The following GANC variants were observed in gnomAD, a reference collection of about 807,000 sequenced individuals.
GANC encodes glucosidase alpha, neutral C, also known as neutral alpha-glucosidase C.
Under a neutral mutation model 124.2 loss-of-function variants are expected in GANC, and 117 were observed. That is an observed-to-expected ratio of 0.94 (90% CI 0.81 to 1.10). The LOEUF (loss-of-function observed/expected upper bound fraction) is 1.10, where lower values mean the gene tolerates loss of function less well. Among genes scored for constraint, GANC ranks in the 50% least tolerant of loss-of-function variants. GANC has a pLI of 0.00. For synonymous variants in GANC, 377 were observed against 376.8 expected (o/e 1.00, Z -0.01); for missense variants, 1,140 against 1,095.0 (o/e 1.04, Z -0.58).
intron 3 of GANC, among the ~76,000 whole-genome samples, chr15:42,284,657 G>A (rs1219532250): frequency 6.6e-6 from 1 of 152,070 alleles, no homozygotes; most frequent in African/African-American, 2.4e-5. Context: ...AAGAGATGGG[G>A]TCTCACTGTG....
At chr15:42,319,406 G>T (rs535032499) in intron 10 of GANC, among the ~76,000 whole-genome samples, 1 of 152,106 alleles carries the variant, frequency 6.6e-6, no homozygotes, top group South Asian at 2.1e-4. Flanking sequence ...GTGCAGTGGC[G>T]TGACCATGGC....
At chr15:42,276,229 A>G (rs2051669812) in intron 1 of GANC, 119 bp from the exon 2 acceptor site, 2 of 611,892 alleles carry the variant, frequency 3.3e-6, no homozygotes, top group Non-Finnish European at 6.0e-6. Context: ...ACAATTTTGC[A>G]TTGCAGAATA....
Position 42,339,923 on chromosome 15 carries a change from T to C in GANC, c.2087+11T>C. The C allele has an allele frequency of 6.2e-7, 1 of 1,608,338 alleles. No individual in the cohort carries two copies. The highest frequency in any genetic ancestry group is 8.5e-7 in the Non-Finnish European group (1 of 1,176,094). On this transcript the variant is annotated intron_variant, in intron 17 of 23. Coordinates refer to ENST00000318010, the MANE Select transcript of GANC (RefSeq NM_198141.3). ...CCAACCTGTCATGAGGTAAAAAAGC[T>C]TCATCCATTCAGGGACCCCAGCAAC...
Position 42,297,943 on chromosome 15 carries a change from T to C in GANC, c.558+287T>C, listed in dbSNP as rs2051907521. Among the ~76,000 whole-genome samples the C allele has an allele frequency of 3.3e-5, 5 of 152,168 alleles. No individual in the cohort carries two copies. In the South Asian group the frequency reaches 1.0e-3, roughly 32 times the overall value. ...GAGAATCAGCCTTGAATAAAACAAATCCCAAACATGTTCTCATGGAAATTA... is the reference window on the plus strand; with the variant it reads ...GAGAATCAGCCTTGAATAAAACAAACCCCAAACATGTTCTCATGGAAATTA... On this transcript the variant is annotated intron_variant, in intron 6 of 23. Transcript: ENST00000318010.
chr15:42,333,229 G>A (rs2052260328), intron 15 of GANC, among the ~76,000 whole-genome samples: 2 of 151,800 alleles, frequency 1.3e-5, no homozygotes. Flanking sequence ...TCAGGAGGCT[G>A]AGGCAGGAGA....
intron 3 of GANC, 64 bp downstream of exon 3, chr15:42,278,654 T>A: frequency 8.5e-7 from 1 of 1,180,630 alleles, no homozygotes; most frequent in Non-Finnish European, 1.2e-6. Flanking sequence ...CTGAATGAAG[T>A]AAATTAAAGC....
chr15:42,305,201 A>C (rs995625652), intron 6 of GANC, among the ~76,000 whole-genome samples: 4 of 152,194 alleles, frequency 2.6e-5, no homozygotes, highest in Non-Finnish European at 4.4e-5. Context: ...AAATTTTTGC[A>C]ATCTGTCCAT....
intron 18 of GANC, among the ~76,000 whole-genome samples, chr15:42,341,568 T>G (rs1256445766): frequency 9.0e-6 from 1 of 110,902 alleles, no homozygotes; most frequent in South Asian, 3.8e-4. Context: ...CTGAGTTCTA[T>G]TTTTTTTTTT....
rs563663159 is a variant in GANC, at chr15:42,332,196, T to C, written c.1741+1524T>C. On this transcript the variant is annotated intron_variant, in intron 15 of 23. Coordinates refer to ENST00000318010, the MANE Select transcript of GANC (RefSeq NM_198141.3). ...GATTAATGGAAGATAGTAATTTAAA[T>C]AAATAAGTGGGTAGATAGGCAGACA... Among the ~76,000 whole-genome samples, 6 of 152,278 alleles carry C rather than the reference T, an allele frequency of 3.9e-5. No homozygotes were observed. In the East Asian group the frequency reaches 1.2e-3, roughly 29 times the overall value.
At chr15:42,303,328 C>G (rs1452301664) in intron 6 of GANC, among the ~76,000 whole-genome samples, 1 of 152,140 alleles carries the variant, frequency 6.6e-6, no homozygotes, top group Non-Finnish European at 1.5e-5. Context: ...CACCACCAGG[C>G]CTGCCTTGCA....
chr15:42,273,437 C>G lies in GANC; in HGVS notation c.-1045C>G. 1.9e-6 allele frequency: 3 copies of G among 1,611,568 alleles called. No individual in the cohort carries two copies. Among genetic ancestry groups the G allele is most frequent in the East Asian group, 4.5e-5 (2 of 44,860 alleles). ...GAGTGCCTACCGAAAGCATTTCACC[C>G]TCTTCCGGTTCGTCCCGCCTTCTTC... On this transcript the variant is annotated 5_prime_UTR_variant, in exon 1 of 24. Coordinates refer to ENST00000318010, the MANE Select transcript of GANC (RefSeq NM_198141.3).
rs142591325 is a variant in GANC, at chr15:42,318,776, G to A, written c.1058-3009G>A. 2.9e-4 allele frequency among the ~76,000 whole-genome samples: 44 copies of A among 152,162 alleles called. 1 individual carries two copies. The highest frequency in any genetic ancestry group is 1.5e-4 in the Non-Finnish European group (10 of 67,994). On this transcript the variant is annotated intron_variant, in intron 10 of 23. Coordinates refer to ENST00000318010, the MANE Select transcript of GANC (RefSeq NM_198141.3). ...ACTAATTTTTTCATTTTTTATATAGGCAGGGTCTCCCTAGGTTACCCAGGC... is the reference window on the plus strand; with the variant it reads ...ACTAATTTTTTCATTTTTTATATAGACAGGGTCTCCCTAGGTTACCCAGGC...
At position 42,353,034 on chromosome 15, in the gene GANC, GA is replaced by G; in HGVS notation, c.*896del. 1 of 833,910 alleles carries G rather than the reference GA, an allele frequency of 1.2e-6. No homozygotes were observed. The highest frequency in any genetic ancestry group is 5.5e-5 in the South Asian group (1 of 18,040). The allele number at this position is 833,910 out of a possible 1,614,324, so 51.7% of individuals were successfully genotyped here. A position where few individuals can be genotyped will look rare whatever the true frequency, so the allele number is the denominator to read the frequency against. Reference sequence around the variant, plus strand: ...TCAGAATTAATGCAAAAAAAACCATGATGAACAAAATATTAAAATTTAAAAT... The same window carrying G: ...TCAGAATTAATGCAAAAAAAACCATGTGAACAAAATATTAAAATTTAAAAT... On this transcript the variant is annotated 3_prime_UTR_variant, in exon 24 of 24. Transcript: ENST00000318010.
intron 3 of GANC, chr15:42,283,839 T>C (rs1329793949): frequency 1.1e-5 from 8 of 702,620 alleles, no homozygotes; most frequent in Non-Finnish European, 1.8e-5. Context: ...ATTTGGGAAC[T>C]GGCCAGACAA....
At chr15:42,345,677 A>G in intron 19 of GANC, 81 bp from the exon 20 acceptor site, 2 of 742,872 alleles carry the variant, frequency 2.7e-6, no homozygotes, top group Non-Finnish European at 4.6e-6. Flanking sequence ...AAATCCAGGT[A>G]AGTGGATATT....
intron 16 of GANC, 42 bp from the exon 17 acceptor site, chr15:42,339,627 T>G: frequency 6.2e-7 from 1 of 1,600,050 alleles, no homozygotes; most frequent in South Asian, 1.1e-5. Flanking sequence ...GCATCATTTA[T>G]CCAAAGCTTG....
Position 42,304,931 on chromosome 15 carries a change from C to G in GANC, c.559-1615C>G, listed in dbSNP as rs139661610. Among the ~76,000 whole-genome samples, 1,231 of 152,282 alleles carry G rather than the reference C, an allele frequency of 8.1e-3. 9 individuals are homozygous for G. The highest frequency in any genetic ancestry group is 0.037 in the Middle Eastern group (11 of 294). On this transcript the variant is annotated intron_variant, in intron 6 of 23. Transcript: ENST00000318010. ...TGTGCAGAAAACTGAAACTGGACCC[C>G]TTCCTTACACCTTATACAAAAATTA...
rs369970145 is a variant in GANC, at chr15:42,285,591, T to C, written c.202-2100T>C. ...AGGAGGATCACTGGAGGTCAGGAGT[T>C]TGAGACCAGCCTGGTCAACATGGTG... On this transcript the variant is annotated intron_variant, in intron 3 of 23. Coordinates refer to ENST00000318010, the MANE Select transcript of GANC (RefSeq NM_198141.3). 5.9e-5 allele frequency among the ~76,000 whole-genome samples: 9 copies of C among 152,114 alleles called. No homozygotes were observed. In the South Asian group the frequency reaches 1.9e-3, roughly 32 times the overall value.
At chr15:42,301,414 A>G (rs1360190804) in intron 6 of GANC, among the ~76,000 whole-genome samples, 2 of 151,514 alleles carry the variant, frequency 1.3e-5, no homozygotes, top group Non-Finnish European at 1.5e-5. Context: ...GCTGCACAAA[A>G]CTGGGTGGCT....
Sources: gnomAD v4.1 joint callset for allele counts (sites outside exome capture counted in the v4.1 genomes callset) on GRCh38, gnomAD v4.1.1 for gene constraint, MANE v1.5 for transcripts, NCBI Gene and HGNC (gene_info 2026-07-23, HGNC 2026-07-21) for gene names.